KCNAB2: variants seen among roughly 807,000 people sequenced by gnomAD.
KCNAB2 encodes the protein voltage-gated potassium channel subunit beta-2.
Under a neutral mutation model 63.6 loss-of-function variants are expected in KCNAB2, and 29 were observed. The ratio of observed to expected loss-of-function variants is 0.46; its 90% CI spans 0.34 to 0.62. KCNAB2 has a LOEUF of 0.62. Among genes scored for constraint, KCNAB2 ranks in the 20% least tolerant of loss-of-function variants. The pLI is 0.01. For missense variants in KCNAB2, 359 were observed against 563.9 expected, an observed-to-expected ratio of 0.64 and a Z score of 3.68; for synonymous variants, 222 against 224.2, an observed-to-expected ratio of 0.99 and a Z score of 0.09.
intron 15 of KCNAB2, chr1:6,097,707 G>C (rs1200030024): frequency 5.8e-6 from 3 of 518,014 alleles, no homozygotes; most frequent in African/African-American, 3.8e-5. Context: ...GAGCAGTCTT[G>C]AGAGATGCGG....
upstream of KCNAB2, among the ~76,000 whole-genome samples, chr1:6,043,914 A>C (rs1660709785): frequency 6.6e-6 from 1 of 152,216 alleles, no homozygotes; most frequent in Admixed American, 6.5e-5. Flanking sequence ...TTGACCAGGC[A>C]GCTCGTCTAA....
intron 4 of KCNAB2, among the ~76,000 whole-genome samples, chr1:6,080,058 G>A (rs1484613481): frequency 1.3e-5 from 2 of 152,170 alleles, no homozygotes; most frequent in African/African-American, 2.4e-5. Context: ...TGGGGGATAA[G>A]AAAATACATG....
chr1:6,095,283 C>T (rs1430545120), intron 11 of KCNAB2, 40 bp from the exon 12 acceptor site: 1 of 1,577,638 alleles, frequency 6.3e-7, no homozygotes, highest in South Asian at 1.2e-5. Context: ...CCCGCCTGCT[C>T]ACAGGCAAGG....
Position 6,087,593 on chromosome 1 carries a change from G to T in KCNAB2, c.470+82G>T. 6.9e-7 allele frequency: 1 copy of T among 1,459,444 alleles called. No individual in the cohort carries two copies. Among genetic ancestry groups the T allele is most frequent in the East Asian group, 2.3e-5 (1 of 43,884 alleles). The allele number at this position is 1,459,444 out of a possible 1,614,324, so 90.4% of individuals were successfully genotyped here. A position where few individuals can be genotyped will look rare whatever the true frequency, so the allele number is the denominator to read the frequency against. The stretch of plus-strand genomic sequence containing the variant: ...CTCCCCAGAGACCCCTGACCTAGAA[G>T]GCTCCTGGGGTGGCGGGAGGACAGT... On this transcript the variant is annotated intron_variant, in intron 7 of 15. Transcript: ENST00000378083. This position sits in a 1 kb window ranked among gnomAD's most constrained non-coding sequence, Gnocchi z 6.4.
chr1:6,088,993 C>G lies in KCNAB2; in HGVS notation c.471-15C>G. 1 of 1,548,184 alleles carries G rather than the reference C, an allele frequency of 6.5e-7. No individual in the cohort carries two copies. Among genetic ancestry groups the G allele is most frequent in the Non-Finnish European group, 8.7e-7 (1 of 1,145,654 alleles). ...AACCGCTGGTGACATCACACGCGGT[C>G]GGCCTGTTTTCCAGGGCGGAGACGG... On this transcript the variant is annotated splice_polypyrimidine_tract_variant and intron_variant, in intron 7 of 15. Coordinates refer to ENST00000378083, the MANE Select transcript of KCNAB2 (RefSeq NM_001199862.2).
At chr1:6,082,084 G>T (rs992109306) in intron 4 of KCNAB2, 111 bp from the exon 5 acceptor site, 1 of 857,278 alleles carries the variant, frequency 1.2e-6, no homozygotes, top group East Asian at 2.5e-5. Context: ...TGTCGGGCCC[G>T]GGAGGGCAGG....
chr1:6,050,918 T>C (rs553209659), intron 1 of KCNAB2, among the ~76,000 whole-genome samples: 5 of 152,370 alleles, frequency 3.3e-5, no homozygotes, highest in African/African-American at 1.2e-4. Flanking sequence ...GTTGTATAGA[T>C]AGCATTTCCC....
At chr1:6,076,369 C>T (rs961065553) in intron 4 of KCNAB2, among the ~76,000 whole-genome samples, 6 of 152,330 alleles carry the variant, frequency 3.9e-5, no homozygotes, top group East Asian at 1.9e-4. Flanking sequence ...CCTAAAATGA[C>T]GTAATGCCTG....
chr1:6,073,916 C>A lies in KCNAB2; in HGVS notation c.300+146C>A. The A allele has an allele frequency of 1.3e-6, 1 of 797,030 alleles. No individual in the cohort carries two copies. Among genetic ancestry groups the A allele is most frequent in the Non-Finnish European group, 2.1e-6 (1 of 478,918 alleles). 49.4% of individuals were successfully genotyped at this position (797,030 alleles called of 1,614,324 possible). A position where few individuals can be genotyped will look rare whatever the true frequency, so the allele number is the denominator to read the frequency against. The stretch of plus-strand genomic sequence containing the variant: ...CCTCTTTCTGTTTTGTGAGGGCGCC[C>A]TGCCCCAGGGGAGAGTAGAAAGGTG... On this transcript the variant is annotated intron_variant, in intron 4 of 15. Transcript: ENST00000378083. The surrounding 1 kb of genome is among the most constrained non-coding windows in gnomAD (Gnocchi z 5.7).
At chr1:6,094,646 T>G (rs1665471833) in intron 11 of KCNAB2, among the ~76,000 whole-genome samples, 161 bp downstream of exon 11, 1 of 152,202 alleles carries the variant, frequency 6.6e-6, no homozygotes, top group African/African-American at 2.4e-5. Context: ...GGTGGTTATG[T>G]CTGTAGGCCT....
rs1662991618 is a variant in KCNAB2 at position 6,069,167 on chromosome 1, A to G, written c.219-3588A>G. Among the ~76,000 whole-genome samples the G allele has an allele frequency of 6.6e-6, 1 of 152,196 alleles. No individual in the cohort carries two copies. Among genetic ancestry groups the G allele is most frequent in the Non-Finnish European group, 1.5e-5 (1 of 68,038 alleles). ...AATCTCGGAGCAGGGCAGGCGTGCA[A>G]ACATCATCACTGCACGGAGCAGACA... On this transcript the variant is annotated intron_variant, in intron 2 of 15. Transcript: ENST00000378083. The surrounding 1 kb of genome is among the most constrained non-coding windows in gnomAD (Gnocchi z 5.4).
rs1171027894 is a variant in KCNAB2 at position 6,099,181 on chromosome 1, C to T, written c.*607C>T. 1 of 153,040 alleles carries T rather than the reference C, an allele frequency of 6.5e-6. No homozygotes were observed. Among genetic ancestry groups the T allele is most frequent in the East Asian group, 1.9e-4 (1 of 5,198 alleles). 9.5% of individuals were successfully genotyped at this position (153,040 alleles called of 1,614,324 possible). Reference sequence around the variant, plus strand: ...CCCATCCTTTTCTGCTCCAACCTGCCCCACTGGGTCCCGGCAGGGGCCATG... The same window carrying T: ...CCCATCCTTTTCTGCTCCAACCTGCTCCACTGGGTCCCGGCAGGGGCCATG... On this transcript the variant is annotated 3_prime_UTR_variant, in exon 16 of 16. Coordinates refer to ENST00000378083, the MANE Select transcript of KCNAB2 (RefSeq NM_001199862.2).
chr1:6,019,632 C>G (rs1307285146), intron 1 of KCNAB2, among the ~76,000 whole-genome samples: 1 of 152,240 alleles, frequency 6.6e-6, no homozygotes, highest in South Asian at 2.1e-4. Flanking sequence ...TTGCCAGCCT[C>G]GACCTGAGCG....
chr1:6,036,665 T>C (rs1450779953), intron 1 of KCNAB2, among the ~76,000 whole-genome samples: 1 of 152,034 alleles, frequency 6.6e-6, no homozygotes, highest in African/African-American at 2.4e-5. Flanking sequence ...ATGGACACTG[T>C]GGGGCCGGTT....
intron 1 of KCNAB2, chr1:6,007,428 C>G (rs1000886037): frequency 5.2e-5 from 8 of 152,386 alleles, no homozygotes; most frequent in Non-Finnish European, 1.2e-4. Flanking sequence ...AAACCCACCC[C>G]CTCTGCCCAG....
At chr1:6,041,995 C>T, upstream of KCNAB2, 1 of 829,036 alleles carries the variant, frequency 1.2e-6, no homozygotes, top group South Asian at 1.4e-5. Flanking sequence ...CCCCGAGACC[C>T]CCAGGCTCTG....
Position 6,069,465 on chromosome 1 carries a change from T to G in KCNAB2, c.219-3290T>G, listed in dbSNP as rs940443412. Among the ~76,000 whole-genome samples the G allele has an allele frequency of 2.0e-5, 3 of 152,174 alleles. No individual in the cohort carries two copies. The highest frequency in any genetic ancestry group is 6.5e-5 in the Admixed American group (1 of 15,278). Reference sequence around the variant, plus strand: ...CAGTGCTCCCCTCCGGCAGAGGTTATGTCTGTGAGTCCTCACTCCAGGAGT... The same window carrying G: ...CAGTGCTCCCCTCCGGCAGAGGTTAGGTCTGTGAGTCCTCACTCCAGGAGT... On this transcript the variant is annotated intron_variant, in intron 2 of 15. Coordinates refer to ENST00000378083, the MANE Select transcript of KCNAB2 (RefSeq NM_001199862.2). The surrounding 1 kb of genome is among the most constrained non-coding windows in gnomAD (Gnocchi z 5.4).
At chr1:6,036,895 C>G (rs1660086093) in intron 1 of KCNAB2, among the ~76,000 whole-genome samples, 1 of 152,112 alleles carries the variant, frequency 6.6e-6, no homozygotes, top group African/African-American at 2.4e-5. Flanking sequence ...TGTAAAGGAC[C>G]AGATAGTAAA....
chr1:6,054,127 G>A (rs1395261888), intron 2 of KCNAB2, among the ~76,000 whole-genome samples: 1 of 152,078 alleles, frequency 6.6e-6, no homozygotes, highest in Non-Finnish European at 1.5e-5. Context: ...ATGGGGCAAT[G>A]GGGCCATACA....
Sources: allele counts gnomAD v4.1 joint callset (sites outside exome capture counted in the v4.1 genomes callset), GRCh38; gene constraint gnomAD v4.1.1; non-coding constraint Gnocchi (gnomAD v3.1); transcripts MANE v1.5; gene names NCBI Gene and HGNC (gene_info 2026-07-23, HGNC 2026-07-21).